Variants in ABCA4 observed in about 807,000 individuals in gnomAD.
ABCA4 encodes retinal-specific phospholipid-transporting ATPase ABCA4.
A neutral mutation model predicts 263.7 loss-of-function variants in ABCA4; 196 were observed. That is an observed-to-expected ratio of 0.74 (90% CI 0.66 to 0.84). ABCA4 has a LOEUF of 0.84. Among genes scored for constraint, ABCA4 ranks in the 40% least tolerant of loss-of-function variants. The pLI is 0.00. For synonymous variants in ABCA4, 1,133 were observed against 1,094.2 expected, an observed-to-expected ratio of 1.04 and a Z score of -0.70; for missense variants, 2,792 against 2,855.1, an observed-to-expected ratio of 0.98 and a Z score of 0.50.
At chr1:94,085,062 G>T (rs1054082533) in intron 6 of ABCA4, among the ~76,000 whole-genome samples, 1 of 152,138 alleles carries the variant, frequency 6.6e-6, no homozygotes, top group African/African-American at 2.4e-5. Context: ...TGTAGCAATT[G>T]GGGGAAAGTG....
chr1:94,087,641 T>C (rs1454233830), intron 6 of ABCA4, among the ~76,000 whole-genome samples: 1 of 152,182 alleles, frequency 6.6e-6, no homozygotes, highest in Non-Finnish European at 1.5e-5. Flanking sequence ...CAGGGCAGCC[T>C]GGGGGTCTTG....
In ABCA4 at chr1:94,047,042, T is replaced by C. The variant is rs762504253; in HGVS notation, c.2795A>G (p.Lys932Arg). 13 of 1,614,058 alleles carry C rather than the reference T, an allele frequency of 8.1e-6. No homozygotes were observed. The highest frequency in any genetic ancestry group is 1.3e-5 in the African/African-American group (1 of 74,908). The change falls in exon 19 of 50, where the codon AAG (lysine) becomes AGG (arginine). Residue 932 changes from lysine to arginine, a missense_variant. Coordinates refer to ENST00000370225, the MANE Select transcript of ABCA4 (RefSeq NM_000350.3). Reference protein sequence around the residue: ...HPGWVPGVCVKNLVKIFEPCG... With the variant: ...HPGWVPGVCVRNLVKIFEPCG... ...GGGCTCAAAAATCTTTACCAGATTC[T>C]TCACGCATACCCCAGGAACCCACCC...
At position 94,005,526 on chromosome 1, in the gene ABCA4, T is replaced by A. The variant is rs763030891; in HGVS notation, c.6062A>T (p.Asp2021Val). Residue 2021 changes from aspartate (D) to valine (V), a missense_variant, in exon 44 of 50, where the codon GAT (aspartate) becomes GTT (valine). By Grantham distance (152) the Asp-to-Val change is radical. Coordinates refer to ENST00000370225, the MANE Select transcript of ABCA4 (RefSeq NM_000350.3). The stretch of plus-strand genomic sequence containing the variant: ...TCCTGTGAGCAGCTCATCAATTGCA[T>A]CAAACTGAGGACAGTAGCCCATATT... ...HQNMGYCPQFDAIDELLTGRE... is the reference protein window; with the variant it reads ...HQNMGYCPQFVAIDELLTGRE... 6.2e-7 allele frequency: 1 copy of A among 1,614,134 alleles called. No individual in the cohort carries two copies. The highest frequency in any genetic ancestry group is 2.2e-5 in the East Asian group (1 of 44,878).
At position 94,060,838 on chromosome 1, in the gene ABCA4, G is replaced by A. The variant is rs1661103223; in HGVS notation, c.1938-79C>T. On this transcript the variant is annotated intron_variant, in intron 13 of 49. Coordinates refer to ENST00000370225, the MANE Select transcript of ABCA4 (RefSeq NM_000350.3). ...CAGAATAAATGTTTGTTGAATGAAT[G>A]TGTTGAGAACAAAGCCCAGATGGAG... 22 of 1,222,450 alleles carry A rather than the reference G, an allele frequency of 1.8e-5. No individual in the cohort carries two copies. In the South Asian group the frequency reaches 2.7e-4, roughly 15 times the overall value. 75.7% of individuals were successfully genotyped at this position (1,222,450 alleles called of 1,614,324 possible). A position where few individuals can be genotyped will look rare whatever the true frequency, so the allele number is the denominator to read the frequency against.
At position 94,005,486 on chromosome 1, in the gene ABCA4, G is replaced by C; in HGVS notation, c.6102C>G (p.Tyr2034Ter). 6.2e-7 allele frequency: 1 copy of C among 1,614,180 alleles called. No homozygotes were observed. Among genetic ancestry groups the C allele is most frequent in the South Asian group, 1.1e-5 (1 of 91,084 alleles). ...GTACACCTCGAAGCCGGGCATAAAG[G>C]TAAAGATGTTCTCGTCCTGTGAGCA... ...DELLTGREHL[Y>*]LYARLRGVPA... Residue 2034 changes from tyrosine (Y) to a stop codon, truncating the protein, a stop_gained, in exon 44 of 50, where the codon TAC becomes TAG. Transcript: ENST00000370225. LOFTEE classifies it high-confidence loss of function.
chr1:94,050,137 C>T (rs1201763266), intron 17 of ABCA4, among the ~76,000 whole-genome samples: 1 of 152,238 alleles, frequency 6.6e-6, no homozygotes, highest in East Asian at 1.9e-4. Flanking sequence ...GGTCAGGGAC[C>T]TGCTGCCTCT....
intron 14 of ABCA4, among the ~76,000 whole-genome samples, chr1:94,058,225 G>C (rs745931787): frequency 2.0e-5 from 3 of 152,160 alleles, no homozygotes; most frequent in Admixed American, 6.5e-5. Context: ...TCTAAATTAG[G>C]ACTCAGAGCT....
chr1:94,055,168 G>A lies in ABCA4; in HGVS notation c.2530C>T (p.Leu844Phe), dbSNP rs765425569. The change falls in exon 16 of 50, where the codon CTC becomes TTC. Residue 844 changes from leucine to phenylalanine, a missense_variant. By Grantham distance (22) the Leu-to-Phe change is conservative. Coordinates refer to ENST00000370225, the MANE Select transcript of ABCA4 (RefSeq NM_000350.3). ...FSFLLSMQMM[L>F]LDAAVYGLLA... ...AAGCCATAGACAGCAGCATCAAGGAGCATCATCTGCATGGACAGCAGGAAG... is the reference window on the plus strand; with the variant it reads ...AAGCCATAGACAGCAGCATCAAGGAACATCATCTGCATGGACAGCAGGAAG... 33 of 1,614,064 alleles carry A rather than the reference G, an allele frequency of 2.0e-5. No individual in the cohort carries two copies. Among genetic ancestry groups the A allele is most frequent in the Non-Finnish European group, 2.7e-5 (32 of 1,180,042 alleles).
intron 36 of ABCA4, among the ~76,000 whole-genome samples, chr1:94,017,618 G>A (rs1218166204): frequency 6.6e-6 from 1 of 152,168 alleles, no homozygotes; most frequent in Non-Finnish European, 1.5e-5. Context: ...GGATTAGGTG[G>A]TGATGACACA....
intron 23 of ABCA4, among the ~76,000 whole-genome samples, chr1:94,040,662 A>T (rs1014395637): frequency 6.6e-6 from 1 of 152,002 alleles, no homozygotes; most frequent in Non-Finnish European, 1.5e-5. Context: ...AAAAAATACT[A>T]AAAAAAAGGA....
At position 94,111,424 on chromosome 1, in the gene ABCA4, A is replaced by T. The variant is rs751843119; in HGVS notation, c.302+14T>A. 1.2e-6 allele frequency: 2 copies of T among 1,613,708 alleles called. No homozygotes were observed. The highest frequency in any genetic ancestry group is 2.2e-5 in the East Asian group (1 of 44,868). On this transcript the variant is annotated intron_variant, in intron 3 of 49. Coordinates refer to ENST00000370225, the MANE Select transcript of ABCA4 (RefSeq NM_000350.3). ...CAACTTCCTCCCCTGCATGGTAGGG[A>T]TCTCAACACTTACATGGAGTTGTTA...
intron 20 of ABCA4, 147 bp downstream of exon 20, chr1:94,044,466 G>A: frequency 8.2e-7 from 1 of 1,212,778 alleles, no homozygotes; most frequent in Admixed American, 2.0e-5. Context: ...GTAGGACAAA[G>A]GACTTTAAAC....
intron 11 of ABCA4, among the ~76,000 whole-genome samples, chr1:94,069,138 C>A (rs1452811818): frequency 6.6e-6 from 1 of 152,228 alleles, no homozygotes; most frequent in Non-Finnish European, 1.5e-5. Context: ...TTCAGGACCT[C>A]TGGAGAATGC....
intron 1 of ABCA4, among the ~76,000 whole-genome samples, chr1:94,115,842 A>G (rs1662745195): frequency 6.6e-6 from 1 of 152,132 alleles, no homozygotes; most frequent in Non-Finnish European, 1.5e-5. Flanking sequence ...ACTTACGTTC[A>G]TCTCCCTCCT....
intron 23 of ABCA4, among the ~76,000 whole-genome samples, chr1:94,040,821 T>C (rs989179246): frequency 6.6e-6 from 1 of 152,170 alleles, no homozygotes; most frequent in African/African-American, 2.4e-5. Flanking sequence ...AGGAGGCCTC[T>C]TCTTAGTTTT....
At chr1:94,064,305 T>C (rs1030865840) in intron 11 of ABCA4, among the ~76,000 whole-genome samples, 1 of 152,110 alleles carries the variant, frequency 6.6e-6, no homozygotes. Flanking sequence ...CCAACAACCA[T>C]AATGTGGAAG....
intron 15 of ABCA4, 36 bp downstream of exon 15, chr1:94,056,565 C>T (rs750699433): frequency 2.9e-5 from 47 of 1,597,554 alleles, no homozygotes; most frequent in Admixed American, 1.2e-4. Context: ...TCCAAGGAAA[C>T]GTGTTGTAGG....
In ABCA4 at chr1:94,014,657, G is replaced by A. The variant is rs756371827; in HGVS notation, c.5346C>T (p.Ser1782=). The A allele has an allele frequency of 6.2e-7, 1 of 1,614,086 alleles. No individual in the cohort carries two copies. The highest frequency in any genetic ancestry group is 1.3e-5 in the African/African-American group (1 of 74,930). ...WAVIPMMYPA[S]FLFDVPSTAY... is the part of the protein sequence containing the mutation. ...CTGTGCTGGGGACATCAAACAGGAA[G>A]GATGCTGGGTACATCATGGGAATGA... The change falls in exon 38 of 50, where the codon TCC becomes TCT. Residue 1782 remains serine, a synonymous_variant. Coordinates refer to ENST00000370225, the MANE Select transcript of ABCA4 (RefSeq NM_000350.3).
intron 1 of ABCA4, 81 bp downstream of exon 1, chr1:94,120,899 T>TCCCCCCCCCCCCCCCCC: frequency 1.5e-5 from 2 of 136,414 alleles, no homozygotes; most frequent in Non-Finnish European, 2.8e-5. Context: ...CCCACCACCC[T>TCCCCCCCCCCCCCCCCC]ACCCCACCAC....
Sources: gnomAD v4.1 joint callset for allele counts (sites outside exome capture counted in the v4.1 genomes callset) on GRCh38, gnomAD v4.1.1 for gene constraint, MANE v1.5 for transcripts, NCBI Gene and HGNC (gene_info 2026-07-23, HGNC 2026-07-21) for gene names.